Variants in PATJ observed in about 807,000 individuals in gnomAD.
PATJ encodes inaD-like protein.
A neutral mutation model predicts 224.9 loss-of-function variants in PATJ; 190 were observed. The ratio of observed to expected loss-of-function variants is 0.84; its 90% CI spans 0.75 to 0.95. The LOEUF (loss-of-function observed/expected upper bound fraction) is 0.95. PATJ is among the 40% of genes least tolerant of loss of function. The probability of loss-of-function intolerance (pLI) is 0.00; values close to 1 mark genes in which losing one functional copy is unlikely to be tolerated. For synonymous variants in PATJ, 769 were observed against 820.3 expected, an observed-to-expected ratio of 0.94 and a Z score of 1.07; for missense variants, 2,121 against 2,270.3, an observed-to-expected ratio of 0.93 and a Z score of 1.34.
At chr1:61,994,391 A>G (rs1645237628) in intron 28 of PATJ, among the ~76,000 whole-genome samples, 1 of 152,200 alleles carries the variant, frequency 6.6e-6, no homozygotes, top group Admixed American at 6.5e-5. Flanking sequence ...GATTTTATTC[A>G]TAATTTTTTT....
At position 62,128,952 on chromosome 1, in the gene PATJ, C is replaced by G; in HGVS notation, c.5271+7C>G. The G allele has an allele frequency of 6.4e-7, 1 of 1,570,560 alleles. No homozygotes were observed. Among genetic ancestry groups the G allele is most frequent in the Non-Finnish European group, 8.8e-7 (1 of 1,141,456 alleles). ...CGGGCGCATTATCCTGCAGGTATTGCGATCAACGGAGCACGCAGCTGTGCA... is the reference window on the plus strand; with the variant it reads ...CGGGCGCATTATCCTGCAGGTATTGGGATCAACGGAGCACGCAGCTGTGCA... On this transcript the variant is annotated splice_region_variant and intron_variant, in intron 41 of 43. Coordinates refer to ENST00000642238, the MANE Select transcript of PATJ (RefSeq NM_001350145.3).
chr1:62,062,968 C>A (rs2148652481), intron 31 of PATJ, among the ~76,000 whole-genome samples: 1 of 152,230 alleles, frequency 6.6e-6, no homozygotes, highest in East Asian at 1.9e-4. Context: ...TGTCTGTTTA[C>A]TCTGTTAATA....
chr1:62,150,012 A>T (rs2481672), intron 42 of PATJ, among the ~76,000 whole-genome samples: 2 of 152,000 alleles, frequency 1.3e-5, no homozygotes, highest in Admixed American at 6.6e-5. Context: ...TTTGATGGCC[A>T]CAGGAGGTAG....
At chr1:62,111,250 G>A (rs551661295) in intron 34 of PATJ, among the ~76,000 whole-genome samples, 22 of 152,248 alleles carry the variant, frequency 1.4e-4, no homozygotes, top group African/African-American at 5.1e-4. Flanking sequence ...GACAGAAGTG[G>A]TCTTGTGTGC....
intron 28 of PATJ, among the ~76,000 whole-genome samples, chr1:62,005,589 C>T (rs1646044148): frequency 6.6e-6 from 1 of 151,984 alleles, no homozygotes; most frequent in Admixed American, 6.6e-5. Context: ...GATAGCAAGA[C>T]CTTGTCTCTA....
intron 22 of PATJ, among the ~76,000 whole-genome samples, chr1:61,896,756 T>C (rs766258161): frequency 6.6e-6 from 1 of 152,174 alleles, no homozygotes. Context: ...GTTGTTCTCA[T>C]GAGAGTGAGG....
At chr1:62,028,875 G>T (rs1412336602) in intron 29 of PATJ, among the ~76,000 whole-genome samples, 1 of 152,108 alleles carries the variant, frequency 6.6e-6, no homozygotes, top group East Asian at 1.9e-4. Flanking sequence ...GTTCGCTTGA[G>T]CCTGGGAGTT....
intron 31 of PATJ, chr1:62,054,218 C>A: frequency 5.1e-6 from 1 of 195,314 alleles, no homozygotes; most frequent in Non-Finnish European, 1.1e-5. Flanking sequence ...AAGAAATTAG[C>A]TGAGTGTGGT....
intron 3 of PATJ, among the ~76,000 whole-genome samples, chr1:61,765,645 G>T (rs910795811): frequency 1.3e-5 from 2 of 152,090 alleles, no homozygotes; most frequent in Admixed American, 1.3e-4. Flanking sequence ...ATCAGCCAAT[G>T]ATATTTTAAA....
chr1:62,121,133 G>A (rs751854710), intron 37 of PATJ, 48 bp from the exon 38 acceptor site: 3 of 1,182,888 alleles, frequency 2.5e-6, no homozygotes, highest in African/African-American at 1.5e-5. Context: ...GCATTTAGGG[G>A]GTCAAGTCAG....
chr1:62,118,176 T>C (rs1339187316), intron 37 of PATJ, among the ~76,000 whole-genome samples: 1 of 150,800 alleles, frequency 6.6e-6, no homozygotes, highest in Non-Finnish European at 1.5e-5. Flanking sequence ...ATAAACACCA[T>C]ATTAAGTTTG....
At chr1:61,742,847 C>A (rs1173295192) in intron 1 of PATJ, among the ~76,000 whole-genome samples, 1 of 151,046 alleles carries the variant, frequency 6.6e-6, no homozygotes, top group Admixed American at 6.6e-5. Context: ...CCACGGTGGT[C>A]CCCGCCCCGC....
At chr1:61,909,098 G>A (rs1191964294) in intron 25 of PATJ, among the ~76,000 whole-genome samples, 1 of 152,096 alleles carries the variant, frequency 6.6e-6, no homozygotes, top group Admixed American at 6.6e-5. Context: ...CTGTGCCTCA[G>A]CCTCCCGAGT....
intron 8 of PATJ, among the ~76,000 whole-genome samples, chr1:61,788,875 TGTTGGTCAGG>T (rs1422248139): frequency 6.6e-6 from 1 of 152,092 alleles, no homozygotes; most frequent in Non-Finnish European, 1.5e-5. Flanking sequence ...AGTTTCTCCA[TGTTGGTCAGG>T]CTGGTCTCGA....
intron 26 of PATJ, among the ~76,000 whole-genome samples, chr1:61,919,294 G>T (rs992999193): frequency 6.6e-6 from 1 of 150,598 alleles, no homozygotes; most frequent in Non-Finnish European, 1.5e-5. Flanking sequence ...ATCATTTAAG[G>T]TTATAAATTT....
intron 27 of PATJ, among the ~76,000 whole-genome samples, chr1:61,967,738 A>G (rs1682378966): frequency 6.6e-6 from 1 of 152,208 alleles, no homozygotes; most frequent in Non-Finnish European, 1.5e-5. Flanking sequence ...AATTGCCCAT[A>G]AGAGATTTTG....
chr1:61,836,597 T>G (rs1472646307), intron 17 of PATJ, among the ~76,000 whole-genome samples: 1 of 152,242 alleles, frequency 6.6e-6, no homozygotes, highest in Non-Finnish European at 1.5e-5. Flanking sequence ...CATTTGTCAG[T>G]GGTACCTAGA....
At chr1:62,014,025 C>T (rs548627257) in intron 28 of PATJ, among the ~76,000 whole-genome samples, 6 of 152,232 alleles carry the variant, frequency 3.9e-5, no homozygotes, top group African/African-American at 9.6e-5. Context: ...CCGCCCACCT[C>T]GGCCTCCCAA....
At chr1:61,861,284 C>CTTT in intron 18 of PATJ, among the ~76,000 whole-genome samples, 13 of 48,854 alleles carry the variant, frequency 2.7e-4, no homozygotes, top group Admixed American at 6.3e-4. Context: ...TTCTTTCTTT[C>CTTT]TTTTTTTTTT....
Sources: gnomAD v4.1 joint callset for allele counts (sites outside exome capture counted in the v4.1 genomes callset) on GRCh38, gnomAD v4.1.1 for gene constraint, MANE v1.5 for transcripts, NCBI Gene and HGNC (gene_info 2026-07-23, HGNC 2026-07-21) for gene names.